The following FILIP1 variants were observed in gnomAD, a reference collection of about 807,000 sequenced individuals.
FILIP1 encodes the protein filamin-A-interacting protein 1.
A neutral mutation model predicts 102.1 loss-of-function variants in FILIP1; 61 were observed. That is an observed-to-expected ratio of 0.60 (90% CI 0.49 to 0.74). The LOEUF (loss-of-function observed/expected upper bound fraction) is 0.74, where lower values mean the gene tolerates loss of function less well. Among genes scored for constraint, FILIP1 ranks in the 30% least tolerant of loss-of-function variants. The pLI, the probability that FILIP1 is intolerant of heterozygous loss-of-function variation, is 0.00. For synonymous variants in FILIP1, 491 were observed against 526.9 expected (o/e 0.93, Z 0.93); for missense variants, 1,314 against 1,441.2 (o/e 0.91, Z 1.43).
chr6:75,372,923 G>A (rs1775624989), intron 2 of FILIP1, among the ~76,000 whole-genome samples: 1 of 152,102 alleles, frequency 6.6e-6, no homozygotes, highest in Admixed American at 6.6e-5. Context: ...AAAATTAAAA[G>A]TAGATTACCA....
chr6:75,406,441 T>G (rs1776847741), intron 2 of FILIP1, among the ~76,000 whole-genome samples: 1 of 152,142 alleles, frequency 6.6e-6, no homozygotes, highest in East Asian at 1.9e-4. Context: ...AATCTTTCCC[T>G]CCTTTGTATT....
At position 75,308,817 on chromosome 6, in the gene FILIP1, T is replaced by C; in HGVS notation, c.3516A>G (p.Val1172=). 1.9e-6 allele frequency: 3 copies of C among 1,614,166 alleles called. No individual in the cohort carries two copies. Among genetic ancestry groups the C allele is most frequent in the Non-Finnish European group, 2.5e-6 (3 of 1,180,006 alleles). Reference sequence around the variant, plus strand: ...GATTTCCTGCTCCTGGGGCTGCCACTACTGGCTTTCCTGCTTTCATACCTT... The same window carrying C: ...GATTTCCTGCTCCTGGGGCTGCCACCACTGGCTTTCCTGCTTTCATACCTT... ...MSKGMKAGKP[V]VAAPGAGNLT... is the part of the protein sequence containing the mutation. Residue 1172 remains valine, a synonymous_variant, in exon 6 of 6, where the codon GTA becomes GTG. Transcript: ENST00000237172.
Position 75,312,444 on chromosome 6 carries a change from T to A in FILIP1, c.3388A>T (p.Thr1130Ser), listed in dbSNP as rs866402503. The A allele has an allele frequency of 1.9e-6, 3 of 1,614,106 alleles. No individual in the cohort carries two copies. The highest frequency in any genetic ancestry group is 2.5e-6 in the Non-Finnish European group (3 of 1,180,034). Residue 1130 changes from threonine (T) to serine (S), a missense_variant, in exon 5 of 6, where the codon ACC becomes TCC. By Grantham distance (58) the Thr-to-Ser change is moderately conservative. This residue lies in a region of FILIP1 where 816 missense variants were observed against 913.1 expected (regional missense o/e 0.89). Coordinates refer to ENST00000237172, the MANE Select transcript of FILIP1 (RefSeq NM_015687.5). ...GATGACGTTGTGACCGGTGTTATGG[T>A]GATAGTGCTCGTCACTTTGCTTGCA... Reference protein sequence around the residue: ...PGASKVTSTITITPVTTSSAR... With the variant: ...PGASKVTSTISITPVTTSSAR...
chr6:75,472,712 A>T (rs575551851), intron 1 of FILIP1, among the ~76,000 whole-genome samples: 2 of 152,320 alleles, frequency 1.3e-5, no homozygotes, highest in Non-Finnish European at 2.9e-5. Context: ...GCTAGTCTAC[A>T]TTGGTCTTTA....
At chr6:75,362,990 A>G in intron 2 of FILIP1, 73 bp from the exon 3 acceptor site, 1 of 1,451,954 alleles carries the variant, frequency 6.9e-7, no homozygotes, top group Non-Finnish European at 9.5e-7. Flanking sequence ...AAATCAACAG[A>G]GAGCTTATTG....
chr6:75,355,485 TCCA>T (rs1363698822), intron 3 of FILIP1, among the ~76,000 whole-genome samples: 2 of 150,274 alleles, frequency 1.3e-5, no homozygotes, highest in Non-Finnish European at 3.0e-5. Context: ...CACTGCAACG[TCCA>T]CCTCCTGGGT....
chr6:75,335,140 C>T (rs1774200473), intron 4 of FILIP1, among the ~76,000 whole-genome samples: 1 of 152,140 alleles, frequency 6.6e-6, no homozygotes, highest in Admixed American at 6.6e-5. Flanking sequence ...CCACTAGAGC[C>T]TAATCTATGA....
intron 1 of FILIP1, among the ~76,000 whole-genome samples, chr6:75,440,247 CA>C (rs1778166495): frequency 6.6e-6 from 1 of 151,812 alleles, no homozygotes; most frequent in South Asian, 2.1e-4. Flanking sequence ...AAATGAAAAG[CA>C]AAAAAGCACT....
chr6:75,411,833 T>G (rs922445860), intron 2 of FILIP1, among the ~76,000 whole-genome samples: 7 of 152,178 alleles, frequency 4.6e-5, no homozygotes. Context: ...GTAGTATAGT[T>G]TGAAGTCAGG....
At chr6:75,464,693 C>A (rs1779114782) in intron 1 of FILIP1, among the ~76,000 whole-genome samples, 1 of 152,166 alleles carries the variant, frequency 6.6e-6, no homozygotes, top group South Asian at 2.1e-4. Context: ...AAATCTGCAC[C>A]TGTATATCCA....
chr6:75,412,577 T>C (rs1390613765), intron 2 of FILIP1, among the ~76,000 whole-genome samples: 1 of 152,108 alleles, frequency 6.6e-6, no homozygotes, highest in Non-Finnish European at 1.5e-5. Context: ...TCCACCCACA[T>C]TTGCTAATGT....
chr6:75,481,255 C>A (rs1779643268), intron 1 of FILIP1, among the ~76,000 whole-genome samples: 1 of 152,160 alleles, frequency 6.6e-6, no homozygotes, highest in African/African-American at 2.4e-5. Flanking sequence ...ATAACATTCA[C>A]CATTGTATCC....
chr6:75,326,068 TGATAGATAGATA>T (rs776226164), intron 4 of FILIP1, among the ~76,000 whole-genome samples: 6 of 149,080 alleles, frequency 4.0e-5, no homozygotes, highest in African/African-American at 1.5e-4. Context: ...AGATGATAGA[TGATAGATAGATA>T]GATAGATAGA....
At chr6:75,299,674 C>T (rs1452517611) in intron 6 of FILIP1, among the ~76,000 whole-genome samples, 2 of 151,884 alleles carry the variant, frequency 1.3e-5, no homozygotes, top group East Asian at 1.9e-4. Context: ...CTTAAAAAAA[C>T]TTCAGGTAAC....
chr6:75,407,581 G>C (rs1374432804), intron 2 of FILIP1, among the ~76,000 whole-genome samples: 2 of 152,126 alleles, frequency 1.3e-5, no homozygotes, highest in South Asian at 4.1e-4. Context: ...TCAGAATGAA[G>C]AGAGAGTCAT....
intron 4 of FILIP1, among the ~76,000 whole-genome samples, chr6:75,325,762 T>C (rs1773827619): frequency 6.6e-6 from 1 of 152,180 alleles, no homozygotes; most frequent in East Asian, 1.9e-4. Flanking sequence ...ATGGATGTGG[T>C]GAAAAGGGAT....
At chr6:75,317,924 C>T (rs1412382718) in intron 4 of FILIP1, among the ~76,000 whole-genome samples, 2 of 152,164 alleles carry the variant, frequency 1.3e-5, no homozygotes, top group African/African-American at 2.4e-5. Context: ...CACAAATAGA[C>T]CTGCAATCAA....
chr6:75,449,040 G>C (rs1186965071), intron 1 of FILIP1, among the ~76,000 whole-genome samples: 1 of 152,106 alleles, frequency 6.6e-6, no homozygotes, highest in Admixed American at 6.5e-5. Context: ...GTTTATAGCA[G>C]CACAATTCGC....
intron 1 of FILIP1, among the ~76,000 whole-genome samples, chr6:75,453,457 A>G (rs1778708015): frequency 6.6e-6 from 1 of 152,206 alleles, no homozygotes; most frequent in Non-Finnish European, 1.5e-5. Context: ...TGTTGTGCAC[A>G]TAGTATGGGT....
Sources: allele counts gnomAD v4.1 joint callset (sites outside exome capture counted in the v4.1 genomes callset), GRCh38; gene constraint gnomAD v4.1.1; regional missense constraint gnomAD v4.1.1; transcripts MANE v1.5; gene names NCBI Gene and HGNC (gene_info 2026-07-23, HGNC 2026-07-21).